ZNF385D: variants seen among roughly 807,000 people sequenced by gnomAD.
ZNF385D encodes the protein zinc finger protein 385D.
In ZNF385D, 15 loss-of-function variants were observed where a neutral mutation model predicts 35.8. The observed-to-expected ratio is 0.42, with a 90% CI of 0.28 to 0.64. The LOEUF (loss-of-function observed/expected upper bound fraction) is 0.64, where lower values mean the gene tolerates loss of function less well. Ranked by LOEUF, ZNF385D falls within the 30% of genes least tolerant of loss-of-function variation. The probability of loss-of-function intolerance (pLI) is 0.23; values close to 1 mark genes in which losing one functional copy is unlikely to be tolerated. For synonymous variants in ZNF385D, 212 were observed against 186.8 expected (o/e 1.13, Z -1.10); for missense variants, 474 against 494.6 (o/e 0.96, Z 0.39).
At chr3:21,570,096 G>C (rs1273690455) in intron 2 of ZNF385D, among the ~76,000 whole-genome samples, 1 of 150,378 alleles carries the variant, frequency 6.6e-6, no homozygotes, top group Admixed American at 6.6e-5. Context: ...TAAAAAAAAA[G>C]AATTTTCTAA....
At chr3:22,213,225 C>G (rs866458454) in intron 2 of ZNF385D, among the ~76,000 whole-genome samples, 1 of 152,032 alleles carries the variant, frequency 6.6e-6, no homozygotes, top group Non-Finnish European at 1.5e-5. Context: ...AATGCTTTCT[C>G]TCAAAGGACA....
At chr3:22,033,705 G>C (rs550162428) in intron 3 of ZNF385D, among the ~76,000 whole-genome samples, 4 of 152,080 alleles carry the variant, frequency 2.6e-5, no homozygotes, top group Non-Finnish European at 5.9e-5. Context: ...TATATTCCTT[G>C]AACAATCTGT....
At chr3:21,446,685 G>A (rs1314088059) in intron 4 of ZNF385D, among the ~76,000 whole-genome samples, 2 of 151,444 alleles carry the variant, frequency 1.3e-5, no homozygotes, top group South Asian at 2.1e-4. Context: ...GTAGAGATGG[G>A]GTTTCACCAT....
chr3:21,806,592 T>C (rs2072660601), intron 3 of ZNF385D, among the ~76,000 whole-genome samples: 1 of 152,188 alleles, frequency 6.6e-6, no homozygotes, highest in Non-Finnish European at 1.5e-5. Context: ...TAGAGTAGAA[T>C]GTCATTCTAG....
chr3:21,798,955 C>T (rs1253957056), intron 3 of ZNF385D, among the ~76,000 whole-genome samples: 1 of 152,174 alleles, frequency 6.6e-6, no homozygotes, highest in East Asian at 1.9e-4. Flanking sequence ...AGCAGACACT[C>T]TCCATTACCT....
intron 4 of ZNF385D, among the ~76,000 whole-genome samples, chr3:21,509,924 G>T (rs1249489616): frequency 1.3e-5 from 2 of 152,142 alleles, no homozygotes; most frequent in African/African-American, 2.4e-5. Flanking sequence ...GTGTAATAAG[G>T]TTGTCGTAAT....
chr3:22,263,547 C>T (rs978110043), intron 2 of ZNF385D, among the ~76,000 whole-genome samples: 1 of 151,934 alleles, frequency 6.6e-6, no homozygotes, highest in Non-Finnish European at 1.5e-5. Flanking sequence ...ATTTATTATA[C>T]TTCCCTACAA....
chr3:21,547,983 T>C (rs2062436620), intron 3 of ZNF385D, among the ~76,000 whole-genome samples: 1 of 152,108 alleles, frequency 6.6e-6, no homozygotes, highest in Non-Finnish European at 1.5e-5. Flanking sequence ...CCAACCAGCC[T>C]GTCCACTGAG....
chr3:21,689,362 C>T (rs1049326470), intron 1 of ZNF385D, among the ~76,000 whole-genome samples: 1 of 152,072 alleles, frequency 6.6e-6, no homozygotes, highest in African/African-American at 2.4e-5. Context: ...CTCGATTCAA[C>T]TTACAATACC....
intron 1 of ZNF385D, among the ~76,000 whole-genome samples, chr3:21,711,193 C>T (rs1480340622): frequency 1.3e-5 from 2 of 151,774 alleles, no homozygotes; most frequent in Non-Finnish European, 1.5e-5. Context: ...AGGAGCCCAC[C>T]ATCACGCCCG....
chr3:21,924,038 T>G (rs1437669334), intron 3 of ZNF385D, among the ~76,000 whole-genome samples: 2 of 152,152 alleles, frequency 1.3e-5, no homozygotes, highest in Non-Finnish European at 2.9e-5. Context: ...ATTACCAAAA[T>G]TATCCTCTTA....
Position 22,047,714 on chromosome 3 carries a change from G to A in ZNF385D, c.325+121103C>T, listed in dbSNP as rs142469559. ...ATGTTTCTTCAATGAACATGGGAGT[G>A]CAGTTATCTATTTGACATACTGATT... On this transcript the variant is annotated intron_variant, in intron 3 of 5. Coordinates refer to the ZNF385D transcript ENST00000494108. Among the ~76,000 whole-genome samples the A allele has an allele frequency of 1.4e-3, 210 of 152,194 alleles. 2 individuals carry two copies. Among genetic ancestry groups the A allele is most frequent in the Non-Finnish European group, 2.1e-3 (145 of 67,976 alleles).
chr3:22,116,892 G>T (rs1448856626), intron 3 of ZNF385D, among the ~76,000 whole-genome samples: 1 of 152,016 alleles, frequency 6.6e-6, no homozygotes, highest in Non-Finnish European at 1.5e-5. Context: ...ACACTGAGTT[G>T]TCACCATGTG....
chr3:22,249,515 A>G (rs1699960390), intron 2 of ZNF385D, among the ~76,000 whole-genome samples: 2 of 152,196 alleles, frequency 1.3e-5, no homozygotes, highest in South Asian at 4.1e-4. Context: ...TATGTAAGAC[A>G]CTATTTTAAA....
chr3:22,024,291 T>C (rs1031091641), intron 3 of ZNF385D, among the ~76,000 whole-genome samples: 6 of 152,024 alleles, frequency 3.9e-5, no homozygotes, highest in African/African-American at 1.4e-4. Context: ...TGTAAGTTAA[T>C]ACTTAATAAA....
At chr3:21,546,052 C>A (rs373646986) in intron 3 of ZNF385D, among the ~76,000 whole-genome samples, 2 of 152,136 alleles carry the variant, frequency 1.3e-5, no homozygotes, top group Non-Finnish European at 2.9e-5. Flanking sequence ...GCAAACTACT[C>A]AGTCCTATCA....
intron 2 of ZNF385D, among the ~76,000 whole-genome samples, chr3:22,228,899 T>C (rs965263630): frequency 2.0e-5 from 3 of 152,238 alleles, no homozygotes; most frequent in African/African-American, 7.2e-5. Context: ...GCTTTTGGAC[T>C]CTTGGACCTA....
At chr3:21,968,999 A>G (rs1703078669) in intron 3 of ZNF385D, among the ~76,000 whole-genome samples, 1 of 152,138 alleles carries the variant, frequency 6.6e-6, no homozygotes, top group Admixed American at 6.5e-5. Flanking sequence ...TTCTCCTGAG[A>G]GACACAGATC....
At chr3:21,809,631 T>A (rs1011177723) in intron 3 of ZNF385D, among the ~76,000 whole-genome samples, 1 of 146,818 alleles carries the variant, frequency 6.8e-6, no homozygotes, top group Non-Finnish European at 1.5e-5. Context: ...CATACACACA[T>A]ATATACACAT....
Sources: allele counts gnomAD v4.1 joint callset (sites outside exome capture counted in the v4.1 genomes callset), GRCh38; gene constraint gnomAD v4.1.1; transcripts MANE v1.5; gene names NCBI Gene and HGNC (gene_info 2026-07-23, HGNC 2026-07-21).